The following DNAJC12 variants were observed in gnomAD, a reference collection of about 807,000 sequenced individuals.
The protein encoded by DNAJC12 is DnaJ heat shock protein family (Hsp40) member C12.
A neutral mutation model predicts 28.5 loss-of-function variants in DNAJC12; 25 were observed. That is an observed-to-expected ratio of 0.88 (90% confidence interval 0.64 to 1.22). The LOEUF (loss-of-function observed/expected upper bound fraction) is 1.22, where lower values mean the gene tolerates loss of function less well. Among genes scored for constraint, DNAJC12 ranks in the 50% most tolerant of loss-of-function variants. The pLI is 0.00. For missense variants in DNAJC12, 222 were observed against 231.7 expected, an observed-to-expected ratio of 0.96 and a Z score of 0.27; for synonymous variants, 77 against 80.6, an observed-to-expected ratio of 0.95 and a Z score of 0.24.
intron 2 of DNAJC12, among the ~76,000 whole-genome samples, chr10:67,814,179 GA>G (rs1841891252): frequency 1.3e-5 from 2 of 152,042 alleles, no homozygotes; most frequent in Admixed American, 6.6e-5. Flanking sequence ...AAATGGAATA[GA>G]ATTGAGAATC....
At position 67,838,020 on chromosome 10, in the gene DNAJC12, C is replaced by T. The variant is rs750267695; in HGVS notation, c.-9G>A. 1.1e-5 allele frequency: 18 copies of T among 1,585,944 alleles called. No homozygotes were observed. The highest frequency in any genetic ancestry group is 1.6e-5 in the Non-Finnish European group (18 of 1,160,104). On this transcript the variant is annotated 5_prime_UTR_variant, in exon 1 of 5. Transcript: ENST00000225171. Reference sequence around the variant, plus strand: ...TTCAGTATTGCATCCATTTAGATGACTTAATCAGTCCTTCTTCCCTCGGAA... The same window carrying T: ...TTCAGTATTGCATCCATTTAGATGATTTAATCAGTCCTTCTTCCCTCGGAA...
chr10:67,799,756 G>A (rs927995802), intron 4 of DNAJC12, among the ~76,000 whole-genome samples: 4 of 151,862 alleles, frequency 2.6e-5, no homozygotes, highest in East Asian at 1.9e-4. Flanking sequence ...GGTAGCACAC[G>A]CCTGTAATCC....
intron 3 of DNAJC12, among the ~76,000 whole-genome samples, chr10:67,807,636 A>G (rs924435028): frequency 2.0e-5 from 3 of 152,214 alleles, no homozygotes; most frequent in Admixed American, 2.0e-4. Flanking sequence ...AAAACAAGGA[A>G]TAAGACATTC....
At chr10:67,812,403 G>A (rs1589605879) in intron 2 of DNAJC12, among the ~76,000 whole-genome samples, 2 of 152,270 alleles carry the variant, frequency 1.3e-5, no homozygotes, top group East Asian at 3.9e-4. Context: ...AAATAACATG[G>A]TAGATGCTGG....
intron 4 of DNAJC12, 66 bp downstream of exon 4, chr10:67,805,517 T>C: frequency 6.7e-7 from 1 of 1,482,496 alleles, no homozygotes; most frequent in East Asian, 2.3e-5. Flanking sequence ...TAAGAATAAA[T>C]GCAATATAAA....
At chr10:67,811,722 A>G in intron 2 of DNAJC12, 59 bp from the exon 3 acceptor site, 2 of 1,569,482 alleles carry the variant, frequency 1.3e-6, no homozygotes, top group Non-Finnish European at 1.7e-6. Flanking sequence ...TTAAACTCCA[A>G]AACTATCCAA....
At chr10:67,803,027 A>C (rs150007593) in intron 4 of DNAJC12, among the ~76,000 whole-genome samples, 1 of 40,990 alleles carries the variant, frequency 2.4e-5, no homozygotes, top group Non-Finnish European at 1.3e-4. Flanking sequence ...TTTTTTTTAG[A>C]GATGGTTTCA....
intron 2 of DNAJC12, among the ~76,000 whole-genome samples, chr10:67,818,472 C>T (rs1369973748): frequency 2.0e-5 from 3 of 152,078 alleles, no homozygotes; most frequent in Non-Finnish European, 1.5e-5. Flanking sequence ...GCAGCCCATA[C>T]ATGAAAACCC....
intron 1 of DNAJC12, among the ~76,000 whole-genome samples, chr10:67,826,716 TATAAG>T (rs1406211676): frequency 4.8e-5 from 6 of 125,554 alleles, no homozygotes; most frequent in South Asian, 2.3e-4. Context: ...TATCACTATA[TATAAG>T]ATATCTAATG....
chr10:67,813,304 A>G (rs1841880816), intron 2 of DNAJC12, among the ~76,000 whole-genome samples: 1 of 152,056 alleles, frequency 6.6e-6, no homozygotes, highest in African/African-American at 2.4e-5. Context: ...TAGAGGTTGC[A>G]GTGAGCCAAG....
chr10:67,807,919 C>T (rs2131794354), intron 3 of DNAJC12, among the ~76,000 whole-genome samples: 1 of 152,334 alleles, frequency 6.6e-6, no homozygotes, highest in South Asian at 2.1e-4. Context: ...CCCATATCTG[C>T]TGATCCTCAT....
In DNAJC12 at chr10:67,802,838, C is replaced by CGTGT. The variant is rs71006167; in HGVS notation, c.502+2741_502+2744dup. ...ATTTTACGTATATTAAGTTATTGTG[C>CGTGT]GTGTGTGTGTGTGTGTGTGTGTGTG... On this transcript the variant is annotated intron_variant, in intron 4 of 4. Coordinates refer to ENST00000225171, the MANE Select transcript of DNAJC12 (RefSeq NM_021800.3). Among the ~76,000 whole-genome samples the CGTGT allele has an allele frequency of 3.7e-3, 529 of 143,098 alleles. 3 individuals carry two copies. Among genetic ancestry groups the CGTGT allele is most frequent in the Admixed American group, 4.2e-3 (60 of 14,218 alleles). 93.9% of individuals were successfully genotyped at this position (143,098 alleles called of 152,430 possible). A position where few individuals can be genotyped will look rare whatever the true frequency, so the allele number is the denominator to read the frequency against.
At chr10:67,830,929 C>T (rs1193810130) in intron 1 of DNAJC12, among the ~76,000 whole-genome samples, 1 of 151,864 alleles carries the variant, frequency 6.6e-6, no homozygotes, top group East Asian at 1.9e-4. Flanking sequence ...TGGCTCACGC[C>T]TGTAATCCCA....
At chr10:67,830,384 G>A (rs931204892) in intron 1 of DNAJC12, among the ~76,000 whole-genome samples, 4 of 150,522 alleles carry the variant, frequency 2.7e-5, no homozygotes, top group Non-Finnish European at 4.4e-5. Flanking sequence ...TGAGGCGGGC[G>A]GATCACGAGG....
intron 4 of DNAJC12, among the ~76,000 whole-genome samples, chr10:67,804,753 C>T (rs756689847): frequency 6.6e-6 from 1 of 152,058 alleles, no homozygotes; most frequent in Non-Finnish European, 1.5e-5. Flanking sequence ...ATTATTGGGC[C>T]GGGCATGGTG....
chr10:67,837,863 T>G, intron 1 of DNAJC12, 71 bp downstream of exon 1: 1 of 1,232,910 alleles, frequency 8.1e-7, no homozygotes, highest in Non-Finnish European at 1.1e-6. Context: ...AGTTAAAACC[T>G]TAAATAAAAA....
intron 2 of DNAJC12, chr10:67,816,104 G>A (rs1223301954): frequency 2.0e-5 from 8 of 398,314 alleles, no homozygotes; most frequent in South Asian, 1.3e-4. Flanking sequence ...GAAGTCTTGC[G>A]AGACATTCTG....
chr10:67,810,170 A>G (rs1469128365), intron 3 of DNAJC12, among the ~76,000 whole-genome samples: 1 of 152,064 alleles, frequency 6.6e-6, no homozygotes, highest in African/African-American at 2.4e-5. Context: ...AAGAGAGAGA[A>G]GGTAGAACTG....
At chr10:67,797,243 A>C in intron 4 of DNAJC12, 33 bp from the exon 5 acceptor site, 1 of 1,582,216 alleles carries the variant, frequency 6.3e-7, no homozygotes. Flanking sequence ...ATTTAAAATC[A>C]GAAGTAGGAA....
Sources: gnomAD v4.1 joint callset for allele counts (sites outside exome capture counted in the v4.1 genomes callset) on GRCh38, gnomAD v4.1.1 for gene constraint, MANE v1.5 for transcripts, NCBI Gene and HGNC (gene_info 2026-07-23, HGNC 2026-07-21) for gene names.